Variants in GMDS observed in about 807,000 individuals in gnomAD.
GMDS encodes GDP-mannose 4,6-dehydratase.
GMDS carries 20 observed loss-of-function variants against 49.9 expected under a neutral mutation model. That is an observed-to-expected ratio of 0.40 (90% CI 0.28 to 0.58). The LOEUF (loss-of-function observed/expected upper bound fraction) is 0.58. Ranked by LOEUF, GMDS falls within the 20% of genes least tolerant of loss-of-function variation. The pLI is 0.42. For missense variants in GMDS, 362 were observed against 481.4 expected (o/e 0.75, Z 2.32); for synonymous variants, 177 against 178.6 (o/e 0.99, Z 0.07).
intron 7 of GMDS, among the ~76,000 whole-genome samples, chr6:1,762,920 A>C (rs1768216299): frequency 6.6e-6 from 1 of 152,272 alleles, no homozygotes; most frequent in Admixed American, 6.5e-5. Context: ...ATCAAAGAAT[A>C]GCAATTGAAT....
chr6:2,130,439 T>A (rs1220999815), intron 1 of GMDS, among the ~76,000 whole-genome samples: 1 of 152,220 alleles, frequency 6.6e-6, no homozygotes, highest in Non-Finnish European at 1.5e-5. Context: ...ATCGTTTATG[T>A]CCAGCAGCTA....
chr6:1,718,599 G>A (rs574522955), intron 9 of GMDS, among the ~76,000 whole-genome samples: 2 of 152,146 alleles, frequency 1.3e-5, no homozygotes, highest in South Asian at 2.1e-4. Flanking sequence ...CGGCAGCTTC[G>A]CAGCTGCTTC....
intron 9 of GMDS, among the ~76,000 whole-genome samples, chr6:1,647,603 GAC>G (rs1260786326): frequency 1.3e-5 from 2 of 152,232 alleles, no homozygotes; most frequent in African/African-American, 4.8e-5. Context: ...AGGGGACACA[GAC>G]ACATATGCCA....
chr6:2,132,917 CA>C (rs1163006506), intron 1 of GMDS, among the ~76,000 whole-genome samples: 1 of 151,962 alleles, frequency 6.6e-6, no homozygotes, highest in Non-Finnish European at 1.5e-5. Flanking sequence ...AATAAATTAA[CA>C]GTGAACTTCA....
intron 7 of GMDS, among the ~76,000 whole-genome samples, chr6:1,804,805 T>A (rs189900356): frequency 6.6e-6 from 1 of 152,344 alleles, no homozygotes; most frequent in East Asian, 1.9e-4. Flanking sequence ...TCATTTTCAA[T>A]GGCAGCTGAA....
At chr6:1,651,672 C>G (rs1385110135) in intron 9 of GMDS, among the ~76,000 whole-genome samples, 1 of 152,210 alleles carries the variant, frequency 6.6e-6, no homozygotes, top group Non-Finnish European at 1.5e-5. Flanking sequence ...TGGCATCACA[C>G]AAATGTGACT....
At chr6:1,654,238 T>A (rs189737896) in intron 9 of GMDS, among the ~76,000 whole-genome samples, 126 of 152,366 alleles carry the variant, frequency 8.3e-4, no homozygotes, top group African/African-American at 2.9e-3. Context: ...TACCATATGA[T>A]CTGGCATTTC....
chr6:2,104,337 T>C (rs773398249), intron 4 of GMDS, among the ~76,000 whole-genome samples: 1 of 152,242 alleles, frequency 6.6e-6, no homozygotes, highest in Non-Finnish European at 1.5e-5. Context: ...TATATTCTTG[T>C]GTTATCAATA....
rs1476330443 is a variant in GMDS, at chr6:1,722,245, AG to A, written c.987+4170del. On this transcript the variant is annotated intron_variant, in intron 9 of 10. Transcript: ENST00000380815. ...CCCTCCCTGGCTAATTATTATTATT[AG>A]TAGTAGTAGTAGTAGTATTTTTAGT... Among the ~76,000 whole-genome samples the A allele has an allele frequency of 2.4e-3, 206 of 85,274 alleles. 3 individuals carry two copies. The highest frequency in any genetic ancestry group is 0.012 in the African/African-American group (161 of 13,500). The allele number at this position is 85,274 out of a possible 152,430, so 55.9% of individuals were successfully genotyped here.
intron 4 of GMDS, among the ~76,000 whole-genome samples, chr6:2,003,626 T>C (rs1483190107): frequency 6.6e-6 from 1 of 152,174 alleles, no homozygotes; most frequent in East Asian, 1.9e-4. Flanking sequence ...ATTTCCTTAA[T>C]CATAAAGTAT....
chr6:1,874,998 C>T lies in GMDS; in HGVS notation c.771+55105G>A, dbSNP rs145924098. Among the ~76,000 whole-genome samples, 129 of 152,318 alleles carry T rather than the reference C, an allele frequency of 8.5e-4. 2 individuals carry two copies. In the East Asian group the frequency reaches 0.019, roughly 23 times the overall value. ...TCAGTAAATTAAACATTTAAAGTCA[C>T]TTGACTATTTTGTCCACATTCTTAA... On this transcript the variant is annotated intron_variant, in intron 7 of 10. Coordinates refer to ENST00000380815, the MANE Select transcript of GMDS (RefSeq NM_001500.4).
intron 7 of GMDS, among the ~76,000 whole-genome samples, chr6:1,764,690 C>A (rs1768282946): frequency 6.6e-6 from 1 of 152,168 alleles, no homozygotes; most frequent in African/African-American, 2.4e-5. Flanking sequence ...GGGCTGTTAT[C>A]ATACCAAACA....
At chr6:2,149,807 A>C (rs2127536263) in intron 1 of GMDS, among the ~76,000 whole-genome samples, 1 of 152,296 alleles carries the variant, frequency 6.6e-6, no homozygotes, top group South Asian at 2.1e-4. Context: ...TGACTTTACA[A>C]GCTGTGGGGA....
intron 7 of GMDS, among the ~76,000 whole-genome samples, chr6:1,816,801 C>CT (rs1429612237): frequency 6.6e-6 from 1 of 151,572 alleles, no homozygotes; most frequent in Non-Finnish European, 1.5e-5. Context: ...CCTTCTTCTT[C>CT]TTTTTTTAAA....
At chr6:2,022,251 T>C (rs2127406815) in intron 4 of GMDS, among the ~76,000 whole-genome samples, 1 of 146,028 alleles carries the variant, frequency 6.8e-6, no homozygotes, top group South Asian at 2.2e-4. Context: ...TTAAAGCAAA[T>C]ATATCAGCCA....
chr6:2,084,583 TGCAAGCTCC>T (rs1772901303), intron 4 of GMDS, among the ~76,000 whole-genome samples: 1 of 152,136 alleles, frequency 6.6e-6, no homozygotes, highest in Admixed American at 6.6e-5. Context: ...CTTGACTCAC[TGCAAGCTCC>T]GCCTCCCGGG....
intron 7 of GMDS, among the ~76,000 whole-genome samples, chr6:1,800,433 ATTTCT>A (rs1283879345): frequency 1.3e-5 from 2 of 151,824 alleles, no homozygotes; most frequent in Non-Finnish European, 2.9e-5. Context: ...ACTCACAACC[ATTTCT>A]TTTCTTTTCT....
At chr6:1,777,822 A>G (rs967730634) in intron 7 of GMDS, among the ~76,000 whole-genome samples, 1 of 152,252 alleles carries the variant, frequency 6.6e-6, no homozygotes, top group Non-Finnish European at 1.5e-5. Context: ...ACGGCTCACC[A>G]TGAATAACGA....
intron 7 of GMDS, among the ~76,000 whole-genome samples, chr6:1,804,568 A>G (rs1770087557): frequency 6.6e-6 from 1 of 152,250 alleles, no homozygotes; most frequent in Non-Finnish European, 1.5e-5. Flanking sequence ...CAGATTCACT[A>G]CCACAGAACA....
Sources: gnomAD v4.1 joint callset for allele counts (sites outside exome capture counted in the v4.1 genomes callset) on GRCh38, gnomAD v4.1.1 for gene constraint, MANE v1.5 for transcripts, NCBI Gene and HGNC (gene_info 2026-07-23, HGNC 2026-07-21) for gene names.